RPS6KA2: variants seen among roughly 807,000 people sequenced by gnomAD.
RPS6KA2 encodes the protein ribosomal protein S6 kinase A2.
In RPS6KA2, 42 loss-of-function variants were observed where a neutral mutation model predicts 91.8. That is an observed-to-expected ratio of 0.46 (90% CI 0.36 to 0.59). The LOEUF is 0.59. Among genes scored for constraint, RPS6KA2 ranks in the 20% least tolerant of loss-of-function variants. The probability of loss-of-function intolerance (pLI) is 0.00; values close to 1 mark genes in which losing one functional copy is unlikely to be tolerated. For synonymous variants in RPS6KA2, 414 were observed against 393.6 expected, an observed-to-expected ratio of 1.05 and a Z score of -0.61; for missense variants, 798 against 978.5, an observed-to-expected ratio of 0.82 and a Z score of 2.46.
At chr6:166,632,051 C>T (rs1787096178), upstream of RPS6KA2, among the ~76,000 whole-genome samples, 1 of 152,210 alleles carries the variant, frequency 6.6e-6, no homozygotes, top group African/African-American at 2.4e-5. Context: ...CAGGACCTGT[C>T]TGCCTCATAG....
intron 1 of RPS6KA2, among the ~76,000 whole-genome samples, chr6:166,577,168 C>A (rs930596275): frequency 6.6e-5 from 10 of 152,206 alleles, no homozygotes; most frequent in African/African-American, 2.4e-4. Flanking sequence ...GATGCCCAGG[C>A]AAAAGTTTGC....
At chr6:166,641,766 T>TAAAAAAAAAAAAAA (rs1787445454) in intron 2 of RPS6KA2, among the ~76,000 whole-genome samples, 2 of 61,520 alleles carry the variant, frequency 3.3e-5, no homozygotes, top group African/African-American at 5.6e-5. Flanking sequence ...AAAAAAAAAT[T>TAAAAAAAAAAAAAA]CAATAGATCA....
In RPS6KA2 at chr6:166,748,466, C is replaced by A. The variant is rs568581777; in HGVS notation, c.123+109734G>T. ...AGGGGGAACTGCGCCGGGAAAGATG[C>A]CGGTGCGGGGCTGGAGGATGCTGGG... On this transcript the variant is annotated intron_variant, in intron 2 of 21. Coordinates refer to the RPS6KA2 transcript ENST00000503859. Among the ~76,000 whole-genome samples, 38 of 152,198 alleles carry A rather than the reference C, an allele frequency of 2.5e-4. No homozygotes were observed. The South Asian group carries it at 4.2e-3, about 17-fold the overall frequency.
chr6:166,818,624 A>G (rs9366058), intron 2 of RPS6KA2, among the ~76,000 whole-genome samples: 95,200 of 151,990 alleles, frequency 0.63, 31,257 homozygotes, highest in Non-Finnish European at 0.74. Context: ...TCGTCCATTC[A>G]GAGACCGTTG....
rs986597640 is a variant in RPS6KA2, at chr6:166,412,468, C to G, written c.*294G>C. 2.4e-5 allele frequency: 6 copies of G among 246,388 alleles called. No individual in the cohort carries two copies. The highest frequency in any genetic ancestry group is 2.2e-4 in the Admixed American group (4 of 18,346). The allele number at this position is 246,388 out of a possible 1,614,324, so 15.3% of individuals were successfully genotyped here. A position where few individuals can be genotyped will look rare whatever the true frequency, so the allele number is the denominator to read the frequency against. On this transcript the variant is annotated 3_prime_UTR_variant, in exon 21 of 21. Coordinates refer to ENST00000265678, the MANE Select transcript of RPS6KA2 (RefSeq NM_021135.6). The surrounding 1 kb of genome is among the most constrained non-coding windows in gnomAD (Gnocchi z 4.3). ...AACAGAAGCCATGTATGAGAGGACC[C>G]GCGGGCTCTGAAAGAAGCCCCCGGC... is the stretch of plus-strand genomic sequence containing the variant.
chr6:166,753,136 G>A (rs1777899914), intron 2 of RPS6KA2, among the ~76,000 whole-genome samples: 1 of 152,200 alleles, frequency 6.6e-6, no homozygotes, highest in Non-Finnish European at 1.5e-5. Flanking sequence ...TGGCTGTCCT[G>A]CCAGACTTAA....
At chr6:166,520,746 G>C (rs1267548612) in intron 3 of RPS6KA2, among the ~76,000 whole-genome samples, 1 of 152,200 alleles carries the variant, frequency 6.6e-6, no homozygotes, top group African/African-American at 2.4e-5. Flanking sequence ...AAGAAAAGGA[G>C]AGCTGTAGAG....
chr6:166,840,695 G>A (rs890870576), intron 2 of RPS6KA2, among the ~76,000 whole-genome samples: 9 of 152,294 alleles, frequency 5.9e-5, no homozygotes, highest in East Asian at 1.9e-4. Flanking sequence ...AAGCTGGGCC[G>A]GGCGTGGTGG....
At chr6:166,714,498 T>C (rs1393870362) in intron 2 of RPS6KA2, among the ~76,000 whole-genome samples, 2 of 152,224 alleles carry the variant, frequency 1.3e-5, no homozygotes, top group Non-Finnish European at 2.9e-5. Flanking sequence ...AAATAGGGTA[T>C]ATGCCAATAT....
At chr6:166,565,884 A>C (rs1038199576) in intron 1 of RPS6KA2, among the ~76,000 whole-genome samples, 2 of 152,224 alleles carry the variant, frequency 1.3e-5, no homozygotes, top group African/African-American at 4.8e-5. Context: ...TACGCCTAGG[A>C]GCTACTGCAG....
chr6:166,851,743 G>T (rs1257690339), intron 2 of RPS6KA2, among the ~76,000 whole-genome samples: 1 of 152,180 alleles, frequency 6.6e-6, no homozygotes, highest in African/African-American at 2.4e-5. Context: ...GGCTGACTTT[G>T]TTACAGAAGC....
chr6:166,667,981 G>A (rs1480841378), intron 2 of RPS6KA2, among the ~76,000 whole-genome samples: 2 of 152,174 alleles, frequency 1.3e-5, no homozygotes, highest in East Asian at 1.9e-4. Context: ...AGCACAGCCC[G>A]CACACAGCGG....
At chr6:166,565,664 A>G (rs1237145678) in intron 1 of RPS6KA2, among the ~76,000 whole-genome samples, 3 of 152,136 alleles carry the variant, frequency 2.0e-5, no homozygotes, top group African/African-American at 7.2e-5. Flanking sequence ...GGTCTTGGAC[A>G]CCGGGGGCCA....
At chr6:166,776,489 G>A (rs1185134218) in intron 2 of RPS6KA2, among the ~76,000 whole-genome samples, 2 of 152,188 alleles carry the variant, frequency 1.3e-5, no homozygotes, top group Admixed American at 1.3e-4. Context: ...ATGAGGTGGC[G>A]TTTAGTGCAT....
chr6:166,566,281 G>T (rs1254723405), intron 1 of RPS6KA2, among the ~76,000 whole-genome samples: 1 of 152,192 alleles, frequency 6.6e-6, no homozygotes. Flanking sequence ...GCCAGAATAT[G>T]CCAGAACATG....
At chr6:166,792,461 T>A (rs1779114588) in intron 2 of RPS6KA2, among the ~76,000 whole-genome samples, 1 of 151,540 alleles carries the variant, frequency 6.6e-6, no homozygotes, top group Non-Finnish European at 1.5e-5. Context: ...CTGAAACTAT[T>A]CCAATGAATA....
At chr6:166,558,017 T>G (rs998654751) in intron 1 of RPS6KA2, among the ~76,000 whole-genome samples, 2 of 151,958 alleles carry the variant, frequency 1.3e-5, no homozygotes, top group Non-Finnish European at 2.9e-5. Context: ...TATATAGGTG[T>G]GTATGTATGT....
At chr6:166,835,696 G>A (rs148866880) in intron 2 of RPS6KA2, among the ~76,000 whole-genome samples, 4 of 152,192 alleles carry the variant, frequency 2.6e-5, no homozygotes, top group African/African-American at 9.6e-5. Flanking sequence ...GAAAATAAAT[G>A]CAGCTTGCTT....
At position 166,500,839 on chromosome 6, in the gene RPS6KA2, C is replaced by T. The variant is rs755408450; in HGVS notation, c.604+48G>A. On this transcript the variant is annotated intron_variant, in intron 7 of 20. Transcript: ENST00000265678. The surrounding 1 kb of genome is among the most constrained non-coding windows in gnomAD (Gnocchi z 4.3). The stretch of plus-strand genomic sequence containing the variant: ...GGCTTTGAGGTGGTCCCCAAAGGTA[C>T]CAGGGCTGAGATGAAGCCATGGAGG... 3.8e-6 allele frequency: 6 copies of T among 1,571,332 alleles called. No individual in the cohort carries two copies. The African/African-American group carries it at 6.8e-5, about 18-fold the overall frequency.
Sources: allele counts gnomAD v4.1 joint callset (sites outside exome capture counted in the v4.1 genomes callset), GRCh38; gene constraint gnomAD v4.1.1; non-coding constraint Gnocchi (gnomAD v3.1); transcripts MANE v1.5; gene names NCBI Gene and HGNC (gene_info 2026-07-23, HGNC 2026-07-21).